The following MACROD2 variants were observed in gnomAD, a reference collection of about 807,000 sequenced individuals.
The protein encoded by MACROD2 is mono-ADP ribosylhydrolase 2, also known as ADP-ribose glycohydrolase MACROD2.
Under a neutral mutation model 70.4 loss-of-function variants are expected in MACROD2, and 36 were observed. That is an observed-to-expected ratio of 0.51 (90% CI 0.39 to 0.68). The LOEUF is 0.68. MACROD2 is among the 30% of genes least tolerant of loss of function. MACROD2 has a pLI of 0.00. For synonymous variants in MACROD2, 172 were observed against 178.8 expected (o/e 0.96, Z 0.30); for missense variants, 496 against 538.4 (o/e 0.92, Z 0.78).
At chr20:14,167,383 A>AT (rs937710275) in intron 3 of MACROD2, among the ~76,000 whole-genome samples, 15 of 151,508 alleles carry the variant, frequency 9.9e-5, no homozygotes, top group Admixed American at 1.3e-4. Flanking sequence ...ATCTTTAAAT[A>AT]TTTTTTTTGT....
chr20:14,897,260 G>T (rs2073841490), intron 5 of MACROD2, among the ~76,000 whole-genome samples: 1 of 152,102 alleles, frequency 6.6e-6, no homozygotes. Context: ...CATTCTCTTT[G>T]AAGGTGGGTG....
At chr20:14,489,294 G>T (rs2084767893) in intron 3 of MACROD2, among the ~76,000 whole-genome samples, 1 of 152,218 alleles carries the variant, frequency 6.6e-6, no homozygotes, top group African/African-American at 2.4e-5. Context: ...TTGCCAGATT[G>T]ATAGCTGTAT....
chr20:14,548,278 T>C (rs1170122952), intron 4 of MACROD2, among the ~76,000 whole-genome samples: 25 of 152,198 alleles, frequency 1.6e-4, no homozygotes, highest in Admixed American at 1.6e-3. Flanking sequence ...AGTAAATGAT[T>C]ACTCCATGAT....
intron 5 of MACROD2, among the ~76,000 whole-genome samples, chr20:14,968,260 A>T (rs896522758): frequency 6.6e-6 from 1 of 152,180 alleles, no homozygotes; most frequent in African/African-American, 2.4e-5. Flanking sequence ...AATAAACAAG[A>T]TGATACTCCC....
At chr20:15,676,799 G>A (rs1301405338) in intron 8 of MACROD2, among the ~76,000 whole-genome samples, 7 of 152,106 alleles carry the variant, frequency 4.6e-5, no homozygotes, top group Admixed American at 1.3e-4. Flanking sequence ...AAATGCCGCA[G>A]ATCTTACTTA....
At chr20:14,786,318 T>C (rs150337394) in intron 5 of MACROD2, among the ~76,000 whole-genome samples, 1 of 151,752 alleles carries the variant, frequency 6.6e-6, no homozygotes, top group East Asian at 2.0e-4. Context: ...CCATCCGAAA[T>C]TCTAAGCACT....
chr20:14,044,135 C>T (rs143624030), intron 2 of MACROD2, among the ~76,000 whole-genome samples: 34 of 151,986 alleles, frequency 2.2e-4, no homozygotes, highest in African/African-American at 8.2e-4. Flanking sequence ...TTCTGATGTT[C>T]GCATGTGTTC....
intron 15 of MACROD2, among the ~76,000 whole-genome samples, chr20:16,002,032 A>G (rs1230808687): frequency 7.0e-6 from 1 of 142,202 alleles, no homozygotes; most frequent in Admixed American, 7.0e-5. Flanking sequence ...GTTATATAAT[A>G]TAATGTGTCT....
intron 6 of MACROD2, among the ~76,000 whole-genome samples, chr20:15,422,657 G>A (rs1413593651): frequency 1.3e-5 from 2 of 152,176 alleles, no homozygotes; most frequent in African/African-American, 4.8e-5. Flanking sequence ...TTGCTGCAGT[G>A]CTGCTGCCTC....
At chr20:15,000,116 G>GA (rs930246825) in intron 5 of MACROD2, among the ~76,000 whole-genome samples, 4 of 152,118 alleles carry the variant, frequency 2.6e-5, no homozygotes, top group African/African-American at 9.7e-5. Flanking sequence ...TCTTTCAGAT[G>GA]AAAAAATAAA....
intron 6 of MACROD2, among the ~76,000 whole-genome samples, chr20:15,403,571 G>C (rs1432210147): frequency 6.6e-6 from 1 of 152,106 alleles, no homozygotes; most frequent in African/African-American, 2.4e-5. Context: ...AATGTACCCA[G>C]GTGTGAAAAA....
chr20:15,521,902 G>T (rs1316666212), intron 8 of MACROD2, among the ~76,000 whole-genome samples: 2 of 152,216 alleles, frequency 1.3e-5, no homozygotes, highest in South Asian at 4.1e-4. Context: ...TTCGTATGCA[G>T]CTTAAAAGCA....
At chr20:14,815,670 T>C (rs1221303992) in intron 5 of MACROD2, among the ~76,000 whole-genome samples, 1 of 152,118 alleles carries the variant, frequency 6.6e-6, no homozygotes, top group East Asian at 1.9e-4. Context: ...TGGTATAATG[T>C]AGCACTCAAG....
chr20:14,008,690 G>A (rs2052856094), intron 2 of MACROD2, among the ~76,000 whole-genome samples: 1 of 152,098 alleles, frequency 6.6e-6, no homozygotes, highest in African/African-American at 2.4e-5. Context: ...AACAAAGCTA[G>A]AGGCATCACG....
intron 3 of MACROD2, among the ~76,000 whole-genome samples, chr20:14,196,021 CTTCAGCTGTAAACA>C (rs2081428916): frequency 1.3e-5 from 2 of 152,192 alleles, no homozygotes; most frequent in South Asian, 4.1e-4. Context: ...CCCACTGGGG[CTTCAGCTGTAAACA>C]TTCACCCCTA....
chr20:15,542,527 G>A (rs2047971281), intron 8 of MACROD2, among the ~76,000 whole-genome samples: 1 of 152,148 alleles, frequency 6.6e-6, no homozygotes, highest in Non-Finnish European at 1.5e-5. Context: ...TCTGTGATCT[G>A]GGAGGGGCCT....
chr20:14,829,207 G>A (rs1382977948), intron 5 of MACROD2, among the ~76,000 whole-genome samples: 1 of 145,180 alleles, frequency 6.9e-6, no homozygotes, highest in Non-Finnish European at 1.5e-5. Context: ...TCCCCTCACT[G>A]CAATCTTCGC....
At chr20:14,818,379 C>T (rs1413563461) in intron 5 of MACROD2, among the ~76,000 whole-genome samples, 1 of 152,110 alleles carries the variant, frequency 6.6e-6, no homozygotes, top group Non-Finnish European at 1.5e-5. Context: ...GGCTCTTTGT[C>T]TGGCATTGAG....
At chr20:14,662,418 A>G (rs1008520362) in intron 4 of MACROD2, among the ~76,000 whole-genome samples, 1 of 151,612 alleles carries the variant, frequency 6.6e-6, no homozygotes, top group Non-Finnish European at 1.5e-5. Context: ...CATTTTGGAC[A>G]TAGAAACAGG....
Sources: gnomAD v4.1 joint callset for allele counts (sites outside exome capture counted in the v4.1 genomes callset) on GRCh38, gnomAD v4.1.1 for gene constraint, MANE v1.5 for transcripts, NCBI Gene and HGNC (gene_info 2026-07-23, HGNC 2026-07-21) for gene names.